The following RASSF2 variants were observed in gnomAD, a reference collection of about 807,000 sequenced individuals.
RASSF2 encodes the protein Ras association domain family member 2.
In RASSF2, 34 loss-of-function variants were observed where a neutral mutation model predicts 46.3. That is an observed-to-expected ratio of 0.73 (90% CI 0.56 to 0.98). The LOEUF is 0.98. RASSF2 is among the 50% of genes least tolerant of loss of function. RASSF2 has a pLI of 0.00. For synonymous variants in RASSF2, 158 were observed against 162.5 expected, an observed-to-expected ratio of 0.97 and a Z score of 0.21; for missense variants, 364 against 431.2, an observed-to-expected ratio of 0.84 and a Z score of 1.38.
chr20:4,786,555 T>C (rs944975563), intron 10 of RASSF2, among the ~76,000 whole-genome samples: 1 of 152,206 alleles, frequency 6.6e-6, no homozygotes, highest in African/African-American at 2.4e-5. Flanking sequence ...TCATTTTTCA[T>C]GTCATGCATT....
chr20:4,788,562 C>G (rs566825190), intron 8 of RASSF2, among the ~76,000 whole-genome samples: 1 of 152,330 alleles, frequency 6.6e-6, no homozygotes, highest in African/African-American at 2.4e-5. Context: ...GATGGCATAG[C>G]CTACTTCACA....
intron 6 of RASSF2, among the ~76,000 whole-genome samples, chr20:4,791,081 A>T (rs1244387184): frequency 1.3e-5 from 2 of 152,220 alleles, no homozygotes; most frequent in Non-Finnish European, 2.9e-5. Context: ...TGCTAAGTGC[A>T]ACAAGCCAAT....
intron 2 of RASSF2, among the ~76,000 whole-genome samples, chr20:4,810,455 T>C (rs1927691244): frequency 1.3e-5 from 2 of 152,000 alleles, no homozygotes; most frequent in South Asian, 4.2e-4. Flanking sequence ...TGCTCTTAGG[T>C]CTTGCTTCCT....
intron 4 of RASSF2, among the ~76,000 whole-genome samples, chr20:4,797,110 G>C (rs922541173): frequency 2.6e-5 from 4 of 152,194 alleles, no homozygotes; most frequent in African/African-American, 9.7e-5. Flanking sequence ...AGGGAGGAAG[G>C]CTTTATGTAA....
intron 11 of RASSF2, among the ~76,000 whole-genome samples, chr20:4,784,592 C>CAAAAAAAAAAAAAAAAAAAAGAA (rs1925132747): frequency 1.1e-5 from 1 of 89,864 alleles, no homozygotes; most frequent in African/African-American, 4.2e-5. Context: ...AACATCTAGC[C>CAAAAAAAAAAAAAAAAAAAAGAA]AAAAAAAAAA....
intron 2 of RASSF2, among the ~76,000 whole-genome samples, chr20:4,802,465 T>C (rs1926952128): frequency 1.3e-5 from 2 of 152,222 alleles, no homozygotes; most frequent in African/African-American, 4.8e-5. Context: ...AAATGGAATA[T>C]ACGCATCCAG....
At position 4,783,314 on chromosome 20, in the gene RASSF2, C is replaced by T. The variant is rs2122376393; in HGVS notation, c.*959G>A. The T allele has an allele frequency of 6.6e-6, 1 of 152,444 alleles. No homozygotes were observed. Among genetic ancestry groups the T allele is most frequent in the Admixed American group, 6.5e-5 (1 of 15,310 alleles). The allele number at this position is 152,444 out of a possible 1,614,324, so 9.4% of individuals were successfully genotyped here. On this transcript the variant is annotated 3_prime_UTR_variant, in exon 12 of 12. Transcript: ENST00000379400. ...TGCAGGTAGCCTCGACATTTCCCTTCAACCTGAAACTTCCTGGCCACCAGG... is the reference window on the plus strand; with the variant it reads ...TGCAGGTAGCCTCGACATTTCCCTTTAACCTGAAACTTCCTGGCCACCAGG...
In RASSF2 at chr20:4,790,525, C is replaced by T. The variant is rs140880764; in HGVS notation, c.463G>A (p.Val155Met). The change falls in exon 7 of 12, where the codon GTG becomes ATG. Residue 155 changes from valine to methionine, a missense_variant. By Grantham distance (21) the Val-to-Met change is conservative (BLOSUM62 1). Coordinates refer to ENST00000379400, the MANE Select transcript of RASSF2 (RefSeq NM_014737.3). This position sits in a 1 kb window ranked among gnomAD's most constrained non-coding sequence, Gnocchi z 4.3. ...SDVGVRRRGN[V>M]RTPSDQRRIR... Reference sequence around the variant, plus strand: ...CGCCGCTGGTCACTAGGCGTCCTCACATTGCCACGGCGACGCACCCCAACA... The same window carrying T: ...CGCCGCTGGTCACTAGGCGTCCTCATATTGCCACGGCGACGCACCCCAACA... 1 of 1,531,914 alleles carries T rather than the reference C, an allele frequency of 6.5e-7. No homozygotes were observed. The highest frequency in any genetic ancestry group is 8.7e-7 in the Non-Finnish European group (1 of 1,145,700). 94.9% of individuals were successfully genotyped at this position (1,531,914 alleles called of 1,614,324 possible).
intron 2 of RASSF2, among the ~76,000 whole-genome samples, chr20:4,820,091 G>T (rs1278490233): frequency 6.6e-6 from 1 of 152,152 alleles, no homozygotes; most frequent in African/African-American, 2.4e-5. Context: ...GGTGCCTCCT[G>T]CCCCATTCAC....
chr20:4,794,181 T>C (rs1223406151), intron 5 of RASSF2, among the ~76,000 whole-genome samples: 1 of 152,054 alleles, frequency 6.6e-6, no homozygotes, highest in East Asian at 1.9e-4. Flanking sequence ...TCCCAGCACG[T>C]TGGGAAGTCA....
intron 2 of RASSF2, among the ~76,000 whole-genome samples, chr20:4,813,638 G>A (rs750412170): frequency 7.9e-5 from 12 of 152,242 alleles, no homozygotes; most frequent in East Asian, 1.9e-4. Flanking sequence ...AATTCAGAGC[G>A]CTTAGCCACT....
In RASSF2 at chr20:4,784,431, C is replaced by A. The variant is rs973362883; in HGVS notation, c.912-89G>T. 4.2e-5 allele frequency: 52 copies of A among 1,245,438 alleles called. No homozygotes were observed. In the African/African-American group the frequency reaches 6.8e-4, roughly 16 times the overall value. 77.1% of individuals were successfully genotyped at this position (1,245,438 alleles called of 1,614,324 possible). A position where few individuals can be genotyped will look rare whatever the true frequency, so the allele number is the denominator to read the frequency against. Reference sequence around the variant, plus strand: ...CCGGCCACCTGGGTAACACCAAGGTCACACCAGGTAACAGTGCAGTCAAGT... The same window carrying A: ...CCGGCCACCTGGGTAACACCAAGGTAACACCAGGTAACAGTGCAGTCAAGT... On this transcript the variant is annotated intron_variant, in intron 11 of 11. Transcript: ENST00000379400.
rs375756047 is a variant in RASSF2, at chr20:4,789,692, G to C, written c.543C>G (p.Ser181=). The change falls in exon 8 of 12, where the codon TCC becomes TCG. Residue 181 remains serine (S), a synonymous_variant. Coordinates refer to ENST00000379400, the MANE Select transcript of RASSF2 (RefSeq NM_014737.3). The stretch of plus-strand genomic sequence containing the variant: ...CAGAGCCATAGGCTGGTGTGAACAC[G>C]GATGTCTGTCAATAGAAGGGCCCAG... ...INGHFYNHKT[S]VFTPAYGSVT... is the part of the protein sequence containing the mutation. 6.2e-7 allele frequency: 1 copy of C among 1,613,910 alleles called. No individual in the cohort carries two copies. Among genetic ancestry groups the C allele is most frequent in the Non-Finnish European group, 8.5e-7 (1 of 1,179,890 alleles).
chr20:4,781,014 T>A lies in RASSF2; in HGVS notation c.*3259A>T, dbSNP rs1924766584. 1 of 152,008 alleles carries A rather than the reference T, an allele frequency of 6.6e-6. No individual in the cohort carries two copies. Among genetic ancestry groups the A allele is most frequent in the African/African-American group, 2.4e-5 (1 of 41,378 alleles). 9.4% of individuals were successfully genotyped at this position (152,008 alleles called of 1,614,324 possible). ...AAGAAACCTCTCTCGGCGATGTATC[T>A]GTGACACCACATTCTCTGTGCTACA... On this transcript the variant is annotated 3_prime_UTR_variant, in exon 12 of 12. Coordinates refer to ENST00000379400, the MANE Select transcript of RASSF2 (RefSeq NM_014737.3).
chr20:4,796,353 G>A (rs570224800), intron 4 of RASSF2, among the ~76,000 whole-genome samples: 7 of 152,138 alleles, frequency 4.6e-5, no homozygotes, highest in African/African-American at 1.2e-4. Flanking sequence ...CCCCTACTAC[G>A]GAAAATGATG....
chr20:4,804,296 G>T (rs1927152663), intron 2 of RASSF2, among the ~76,000 whole-genome samples: 1 of 149,154 alleles, frequency 6.7e-6, no homozygotes, highest in South Asian at 2.1e-4. Context: ...GAAAACCGGA[G>T]TACACATGTA....
intron 2 of RASSF2, among the ~76,000 whole-genome samples, chr20:4,810,832 T>G (rs957332860): frequency 1.3e-5 from 2 of 151,938 alleles, no homozygotes; most frequent in Admixed American, 1.3e-4. Context: ...GAGACAGGCT[T>G]GGGGAGGAGA....
chr20:4,780,096 T>C lies in RASSF2; in HGVS notation c.*4177A>G, dbSNP rs535131677. On this transcript the variant is annotated 3_prime_UTR_variant, in exon 12 of 12. Transcript: ENST00000379400. ...AAAACATATCAAAATGTTACAAAAATGTATGGCTCCCTTGCTGAGGCCCTG... is the reference window on the plus strand; with the variant it reads ...AAAACATATCAAAATGTTACAAAAACGTATGGCTCCCTTGCTGAGGCCCTG... 6.6e-6 allele frequency: 1 copy of C among 152,646 alleles called. No homozygotes were observed. The highest frequency in any genetic ancestry group is 2.1e-4 in the South Asian group (1 of 4,824). The allele number at this position is 152,646 out of a possible 1,614,324, so 9.5% of individuals were successfully genotyped here.
At chr20:4,793,247 A>T (rs1368544313) in intron 5 of RASSF2, among the ~76,000 whole-genome samples, 1 of 152,204 alleles carries the variant, frequency 6.6e-6, no homozygotes, top group Non-Finnish European at 1.5e-5. Flanking sequence ...CTGGTTTGCC[A>T]TCATAACTGG....
Sources: gnomAD v4.1 joint callset for allele counts (sites outside exome capture counted in the v4.1 genomes callset) on GRCh38, gnomAD v4.1.1 for gene constraint, Gnocchi (gnomAD v3.1) non-coding constraint, MANE v1.5 for transcripts, NCBI Gene and HGNC (gene_info 2026-07-23, HGNC 2026-07-21) for gene names.